Variants in NDST4 observed in about 807,000 individuals in gnomAD.
The protein encoded by NDST4 is N-heparan sulfate sulfotransferase 4.
A neutral mutation model predicts 100.8 loss-of-function variants in NDST4; 63 were observed. The ratio of observed to expected loss-of-function variants is 0.62; its 90% confidence interval spans 0.51 to 0.77. The LOEUF (loss-of-function observed/expected upper bound fraction) is 0.77. Among genes scored for constraint, NDST4 ranks in the 30% least tolerant of loss-of-function variants. NDST4 has a pLI of 0.00. For missense variants in NDST4, 943 were observed against 1,018.4 expected (o/e 0.93, Z 1.01); for synonymous variants, 377 against 361.8 (o/e 1.04, Z -0.48).
chr4:115,013,605 G>A (rs6811143), intron 2 of NDST4, among the ~76,000 whole-genome samples: 10,344 of 151,532 alleles, frequency 0.068, 1,140 homozygotes, highest in African/African-American at 0.23. Flanking sequence ...CTCAGAGTAC[G>A]GGCTTATGGA....
intron 7 of NDST4, among the ~76,000 whole-genome samples, chr4:114,861,848 G>T (rs1372986960): frequency 6.6e-6 from 1 of 152,108 alleles, no homozygotes; most frequent in Non-Finnish European, 1.5e-5. Flanking sequence ...GTCAACCCAT[G>T]CAAGTGGCCT....
intron 8 of NDST4, among the ~76,000 whole-genome samples, chr4:114,851,019 T>C (rs1335610788): frequency 3.3e-5 from 5 of 152,154 alleles, no homozygotes; most frequent in Admixed American, 1.3e-4. Flanking sequence ...GATTCAGCAA[T>C]GGCAAAGTGA....
chr4:114,928,336 C>G (rs190706287), intron 6 of NDST4, among the ~76,000 whole-genome samples: 2 of 152,188 alleles, frequency 1.3e-5, no homozygotes, highest in Admixed American at 6.5e-5. Context: ...AGTAACTCAT[C>G]ATCAAGTAGC....
intron 6 of NDST4, among the ~76,000 whole-genome samples, chr4:114,877,187 C>T (rs1056220650): frequency 3.3e-5 from 5 of 152,104 alleles, no homozygotes; most frequent in Admixed American, 6.6e-5. Flanking sequence ...ATCAAACTTC[C>T]GTCTATTTTC....
chr4:114,945,793 A>G (rs1725849335), intron 4 of NDST4, among the ~76,000 whole-genome samples: 1 of 152,106 alleles, frequency 6.6e-6, no homozygotes, highest in African/African-American at 2.4e-5. Context: ...AGAATCATTG[A>G]TTTTCCACTG....
intron 10 of NDST4, among the ~76,000 whole-genome samples, chr4:114,841,576 G>A (rs72893313): frequency 0.11 from 16,606 of 151,874 alleles, 952 homozygotes; most frequent in Middle Eastern, 0.15. Context: ...AATCTATGTG[G>A]AAAAAAAAGA....
chr4:115,023,921 T>C (rs1280882916), intron 2 of NDST4, among the ~76,000 whole-genome samples: 3 of 152,088 alleles, frequency 2.0e-5, no homozygotes. Flanking sequence ...TGGTCATCTG[T>C]ACTCTGCCAT....
intron 1 of NDST4, among the ~76,000 whole-genome samples, chr4:115,079,048 T>A (rs954204856): frequency 6.6e-5 from 10 of 151,682 alleles, no homozygotes; most frequent in Non-Finnish European, 1.5e-4. Flanking sequence ...AAAAAAAAAA[T>A]TTCCCATTAT....
At chr4:114,900,114 G>T (rs1724803280) in intron 6 of NDST4, among the ~76,000 whole-genome samples, 1 of 152,074 alleles carries the variant, frequency 6.6e-6, no homozygotes, top group South Asian at 2.1e-4. Context: ...CAAATATGTA[G>T]ACATGGAGTT....
Position 114,979,317 on chromosome 4 carries a change from C to T in NDST4, c.979-2043G>A, listed in dbSNP as rs532174937. 3.5e-4 allele frequency among the ~76,000 whole-genome samples: 53 copies of T among 151,208 alleles called. No individual in the cohort carries two copies. In the South Asian group the frequency reaches 0.011, roughly 31 times the overall value. On this transcript the variant is annotated intron_variant, in intron 2 of 13. Transcript: ENST00000264363. ...TTTTTGACTTTATTGCATCCATGCT[C>T]TATCTCATGTTTTCCTTTAGTCTAT...
At chr4:114,839,267 C>A in intron 11 of NDST4, 111 bp downstream of exon 11, 2 of 970,924 alleles carry the variant, frequency 2.1e-6, no homozygotes, top group East Asian at 2.7e-5. Context: ...CTTGTCAGTG[C>A]AATACAATCA....
chr4:114,995,207 G>C (rs1727133141), intron 2 of NDST4, among the ~76,000 whole-genome samples: 1 of 151,944 alleles, frequency 6.6e-6, no homozygotes, highest in South Asian at 2.1e-4. Flanking sequence ...GATGAAGCCA[G>C]AACTGTCTTA....
At chr4:114,913,864 G>C (rs1393916582) in intron 6 of NDST4, among the ~76,000 whole-genome samples, 7 of 151,700 alleles carry the variant, frequency 4.6e-5, no homozygotes, top group Non-Finnish European at 8.8e-5. Flanking sequence ...TGAACATTTT[G>C]AGGATACTTG....
At chr4:115,021,360 A>G (rs1578459953) in intron 2 of NDST4, among the ~76,000 whole-genome samples, 1 of 147,438 alleles carries the variant, frequency 6.8e-6, no homozygotes, top group African/African-American at 2.7e-5. Flanking sequence ...CATATTCCAT[A>G]TATACATTCC....
rs201185012 is a variant in NDST4, at chr4:114,937,278, A to G, written c.1407+40T>C. 192 of 1,606,038 alleles carry G rather than the reference A, an allele frequency of 1.2e-4. No homozygotes were observed. In the African/African-American group the frequency reaches 2.2e-3, roughly 18 times the overall value. ...CCCTCTGTCTTCATTCCACATGTAA[A>G]TATTAACATCCTTCAATATACATGG... On this transcript the variant is annotated intron_variant, in intron 5 of 13. Transcript: ENST00000264363.
rs748815789 is a variant in NDST4 at position 115,076,581 on chromosome 4, T to C, written c.456A>G (p.Lys152=). ...TACTAACACTGTATTCCACACAGTA[T>C]TTTTCTAAAAGCTCTCGATTCCATG... ...MDSWNRELLE[K]YCVEYSVSII... The change falls in exon 2 of 14, where the codon AAA becomes AAG. Residue 152 remains lysine, a synonymous_variant. Coordinates refer to ENST00000264363, the MANE Select transcript of NDST4 (RefSeq NM_022569.3). 5.6e-6 allele frequency: 9 copies of C among 1,613,998 alleles called. No individual in the cohort carries two copies. The highest frequency in any genetic ancestry group is 7.6e-6 in the Non-Finnish European group (9 of 1,179,942).
intron 1 of NDST4, among the ~76,000 whole-genome samples, chr4:115,096,535 T>C (rs1729624551): frequency 1.3e-5 from 2 of 152,052 alleles, no homozygotes; most frequent in African/African-American, 4.8e-5. Context: ...ACTTATTCCC[T>C]ATGTGAGTGT....
intron 6 of NDST4, among the ~76,000 whole-genome samples, chr4:114,901,847 T>G (rs879651584): frequency 1.3e-5 from 2 of 151,958 alleles, no homozygotes; most frequent in African/African-American, 2.4e-5. Context: ...CTTCTTCATT[T>G]TTTTAGTGAC....
intron 12 of NDST4, among the ~76,000 whole-genome samples, chr4:114,832,275 G>T (rs530212372): frequency 2.0e-5 from 3 of 152,122 alleles, no homozygotes; most frequent in Admixed American, 6.5e-5. Context: ...CTTCATTAAG[G>T]TTGTTTTAGT....
Sources: allele counts gnomAD v4.1 joint callset (sites outside exome capture counted in the v4.1 genomes callset), GRCh38; gene constraint gnomAD v4.1.1; transcripts MANE v1.5; gene names NCBI Gene and HGNC (gene_info 2026-07-23, HGNC 2026-07-21).